The following SAP130 variants were observed in gnomAD, a reference collection of about 807,000 sequenced individuals.
SAP130 encodes histone deacetylase complex subunit SAP130.
In SAP130, 16 loss-of-function variants were observed where a neutral mutation model predicts 103.2. That is an observed-to-expected ratio of 0.16 (90% CI 0.10 to 0.24). SAP130 has a LOEUF of 0.24. Among genes scored for constraint, SAP130 ranks in the 10% least tolerant of loss-of-function variants. The probability of loss-of-function intolerance (pLI) is 1.00; values close to 1 mark genes in which losing one functional copy is unlikely to be tolerated. For missense variants in SAP130, 990 were observed against 1,359.7 expected (o/e 0.73, Z 4.28); for synonymous variants, 477 against 497.0 (o/e 0.96, Z 0.53).
chr2:128,028,027 G>C lies in SAP130; in HGVS notation c.-94C>G. 2.1e-6 allele frequency: 2 copies of C among 974,838 alleles called. No individual in the cohort carries two copies. Among genetic ancestry groups the C allele is most frequent in the South Asian group, 4.7e-5 (1 of 21,088 alleles). 60.4% of individuals were successfully genotyped at this position (974,838 alleles called of 1,614,324 possible). On this transcript the variant is annotated 5_prime_UTR_variant, in exon 1 of 21. Coordinates refer to ENST00000643581, the MANE Select transcript of SAP130 (RefSeq NM_001330301.2). ...GTGGGGCCGACGTCCCCAGGCTCCG[G>C]ACCCGCAGCCACCGCCGGGGAGCTA... is the stretch of plus-strand genomic sequence containing the variant.
rs1341149751 is a variant in SAP130 at position 127,989,545 on chromosome 2, T to C, written c.1780+19A>G. On this transcript the variant is annotated intron_variant, in intron 13 of 20. Coordinates refer to ENST00000643581, the MANE Select transcript of SAP130 (RefSeq NM_001330301.2). This position sits in a 1 kb window ranked among gnomAD's most constrained non-coding sequence, Gnocchi z 4.6. ...TTTCTTTTCTCCAAACCACCTTCTA[T>C]GCAAAAATTTAAAATTACCTGAAGT... 10 of 1,586,664 alleles carry C rather than the reference T, an allele frequency of 6.3e-6. No individual in the cohort carries two copies. Among genetic ancestry groups the C allele is most frequent in the Admixed American group, 1.8e-5 (1 of 56,072 alleles).
intron 13 of SAP130, among the ~76,000 whole-genome samples, chr2:127,988,520 A>G (rs1682557851): frequency 6.6e-6 from 1 of 151,968 alleles, no homozygotes; most frequent in African/African-American, 2.4e-5. Context: ...CTAATCAATA[A>G]TAATCCAAGT....
chr2:127,941,893 T>C lies in SAP130; in HGVS notation c.*113A>G. 1 of 963,004 alleles carries C rather than the reference T, an allele frequency of 1.0e-6. No homozygotes were observed. The highest frequency in any genetic ancestry group is 1.6e-6 in the Non-Finnish European group (1 of 630,034). The allele number at this position is 963,004 out of a possible 1,614,324, so 59.7% of individuals were successfully genotyped here. A position where few individuals can be genotyped will look rare whatever the true frequency, so the allele number is the denominator to read the frequency against. On this transcript the variant is annotated 3_prime_UTR_variant, in exon 21 of 21. Transcript: ENST00000643581. Reference sequence around the variant, plus strand: ...GGTTCCTCTGCTTTCACACGGGAACTAAGGAACACTTCCTTTATTTCAATG... The same window carrying C: ...GGTTCCTCTGCTTTCACACGGGAACCAAGGAACACTTCCTTTATTTCAATG...
At chr2:127,976,987 T>C (rs1238939813) in intron 15 of SAP130, among the ~76,000 whole-genome samples, 3 of 152,084 alleles carry the variant, frequency 2.0e-5, no homozygotes, top group Non-Finnish European at 4.4e-5. Context: ...TCAGAACTAT[T>C]ATCTTGATCA....
Position 127,965,842 on chromosome 2 carries a change from T to G in SAP130, c.2064-10498A>C, listed in dbSNP as rs930039068. Among the ~76,000 whole-genome samples, 76 of 151,572 alleles carry G rather than the reference T, an allele frequency of 5.0e-4. 1 individual carries two copies. The highest frequency in any genetic ancestry group is 1.7e-3 in the Admixed American group (25 of 14,874). ...TGTAATTAACACAGGGAATTTAATA[T>G]TATCTATTTCCCCTTATTATTATTT... On this transcript the variant is annotated intron_variant, in intron 15 of 20. Transcript: ENST00000643581.
chr2:127,980,473 T>C (rs1441137019), intron 14 of SAP130, among the ~76,000 whole-genome samples: 1 of 152,024 alleles, frequency 6.6e-6, no homozygotes. Context: ...CCATGAAAGT[T>C]TAAAACAAGC....
chr2:128,027,142 G>A, intron 1 of SAP130: 1 of 1,373,170 alleles, frequency 7.3e-7, no homozygotes, highest in South Asian at 1.8e-5. Context: ...TCGCCGGCCT[G>A]GGGGTGCCGC....
rs192785277 is a variant in SAP130, at chr2:127,960,073, C to G, written c.2064-4729G>C. Among the ~76,000 whole-genome samples the G allele has an allele frequency of 1.2e-3, 180 of 151,966 alleles. 1 individual carries two copies. Among genetic ancestry groups the G allele is most frequent in the Non-Finnish European group, 1.8e-3 (121 of 67,968 alleles). ...GCATCTGCCTTAGAATCAATGAGGC[C>G]GAAGATGGATCAGTATTATTAGCCT... is the stretch of plus-strand genomic sequence containing the variant. On this transcript the variant is annotated intron_variant, in intron 15 of 20. Coordinates refer to ENST00000643581, the MANE Select transcript of SAP130 (RefSeq NM_001330301.2).
At position 127,941,553 on chromosome 2, in the gene SAP130, G is replaced by C. The variant is rs2104827333; in HGVS notation, c.*453C>G. On this transcript the variant is annotated 3_prime_UTR_variant, in exon 21 of 21. Coordinates refer to ENST00000643581, the MANE Select transcript of SAP130 (RefSeq NM_001330301.2). Reference sequence around the variant, plus strand: ...GGCCAACATGGGCATTTGAAGGTCAGGCAGAAGAACCGAATGGGGTGGGTG... The same window carrying C: ...GGCCAACATGGGCATTTGAAGGTCACGCAGAAGAACCGAATGGGGTGGGTG... 1 of 156,982 alleles carries C rather than the reference G, an allele frequency of 6.4e-6. No individual in the cohort carries two copies. Among genetic ancestry groups the C allele is most frequent in the Non-Finnish European group, 1.4e-5 (1 of 71,228 alleles). The allele number at this position is 156,982 out of a possible 1,614,324, so 9.7% of individuals were successfully genotyped here. A position where few individuals can be genotyped will look rare whatever the true frequency, so the allele number is the denominator to read the frequency against.
In SAP130 at chr2:127,989,303, T is replaced by C. The variant is rs1682622061; in HGVS notation, c.1780+261A>G. ...TTTAGTAGACAGGGTTTTACCACGT[T>C]AGCCTGGATAGTCTTGATCTCCTGA... On this transcript the variant is annotated intron_variant, in intron 13 of 20. Transcript: ENST00000643581. The surrounding 1 kb of genome is among the most constrained non-coding windows in gnomAD (Gnocchi z 4.6). Among the ~76,000 whole-genome samples, 2 of 152,052 alleles carry C rather than the reference T, an allele frequency of 1.3e-5. No individual in the cohort carries two copies. Among genetic ancestry groups the C allele is most frequent in the Admixed American group, 1.3e-4 (2 of 15,262 alleles).
Position 127,991,896 on chromosome 2 carries a change from A to G in SAP130, c.1477+1291T>C, listed in dbSNP as rs180853956. On this transcript the variant is annotated intron_variant, in intron 12 of 20. Coordinates refer to ENST00000643581, the MANE Select transcript of SAP130 (RefSeq NM_001330301.2). The stretch of plus-strand genomic sequence containing the variant: ...TACTTCAAGTGCTCTGTGGCCACAC[A>G]TGCCGCTGGCTGCCATATAGCACCG... Among the ~76,000 whole-genome samples, 48 of 152,374 alleles carry G rather than the reference A, an allele frequency of 3.2e-4. 1 individual carries two copies. Among genetic ancestry groups the G allele is most frequent in the Admixed American group, 2.2e-3 (34 of 15,312 alleles).
chr2:128,024,087 C>G (rs1243256753), intron 2 of SAP130, among the ~76,000 whole-genome samples: 2 of 152,058 alleles, frequency 1.3e-5, no homozygotes, highest in African/African-American at 2.4e-5. Flanking sequence ...ATTTTTTAAT[C>G]ATTTATTTAG....
chr2:128,017,914 G>C lies in SAP130; in HGVS notation c.114C>G (p.Val38=), dbSNP rs774505579. 2.7e-5 allele frequency: 43 copies of C among 1,611,968 alleles called. No homozygotes were observed. In the East Asian group the frequency reaches 5.3e-4, roughly 20 times the overall value. The change falls in exon 3 of 21, where the codon GTC becomes GTG. Residue 38 remains valine, a splice_region_variant and synonymous_variant. Transcript: ENST00000643581. Reference sequence around the variant, plus strand: ...CAGAATCTCGACCAGATTCATCATTGACTAGTAAAGACATTAAGAGTGAGA... The same window carrying C: ...CAGAATCTCGACCAGATTCATCATTCACTAGTAAAGACATTAAGAGTGAGA... ...SAGLINPAAT[V]NDESGRDSEV...
At chr2:128,006,935 T>C (rs973639700) in intron 7 of SAP130, among the ~76,000 whole-genome samples, 1 of 152,222 alleles carries the variant, frequency 6.6e-6, no homozygotes, top group Non-Finnish European at 1.5e-5. Context: ...TAGTTGTAGA[T>C]ATAAAGAGAA....
chr2:127,950,676 C>T (rs1291886385), intron 16 of SAP130, among the ~76,000 whole-genome samples: 4 of 152,196 alleles, frequency 2.6e-5, no homozygotes, highest in Non-Finnish European at 5.9e-5. Context: ...TTCCTAGCCT[C>T]CATTACAGGT....
In SAP130 at chr2:127,955,368, T is replaced by A; in HGVS notation, c.2064-24A>T. 2.0e-6 allele frequency: 3 copies of A among 1,503,278 alleles called. 1 individual carries two copies. The Middle Eastern group carries it at 5.4e-4, about 270-fold the overall frequency. 93.1% of individuals were successfully genotyped at this position (1,503,278 alleles called of 1,614,324 possible). ...CACTAAAACACAAAAGAAAAGCACA[T>A]GTAGCAAATAAGAAAAAAACTGCCT... On this transcript the variant is annotated intron_variant, in intron 15 of 20. Coordinates refer to ENST00000643581, the MANE Select transcript of SAP130 (RefSeq NM_001330301.2). The surrounding 1 kb of genome is among the most constrained non-coding windows in gnomAD (Gnocchi z 4.9).
chr2:127,987,348 A>G (rs1408096613), intron 13 of SAP130, among the ~76,000 whole-genome samples: 1 of 151,672 alleles, frequency 6.6e-6, no homozygotes, highest in African/African-American at 2.4e-5. Context: ...CCACACCTGG[A>G]TAATTTTTGT....
chr2:127,977,269 C>A (rs1183458570), intron 15 of SAP130, among the ~76,000 whole-genome samples: 1 of 140,772 alleles, frequency 7.1e-6, no homozygotes, highest in South Asian at 2.3e-4. Flanking sequence ...GCACGTGGAT[C>A]AATTGAGGTC....
chr2:127,989,889 C>T lies in SAP130; in HGVS notation c.1478-23G>A. The T allele has an allele frequency of 1.2e-6, 2 of 1,602,840 alleles. No individual in the cohort carries two copies. Among genetic ancestry groups the T allele is most frequent in the South Asian group, 1.1e-5 (1 of 89,514 alleles). Reference sequence around the variant, plus strand: ...AAACTAAAAATGATGCGAAAGGTAACTATAAGAAGGTTAGCTTCATTTCAC... The same window carrying T: ...AAACTAAAAATGATGCGAAAGGTAATTATAAGAAGGTTAGCTTCATTTCAC... On this transcript the variant is annotated intron_variant, in intron 12 of 20. Coordinates refer to ENST00000643581, the MANE Select transcript of SAP130 (RefSeq NM_001330301.2). This position sits in a 1 kb window ranked among gnomAD's most constrained non-coding sequence, Gnocchi z 4.6.
Sources: allele counts gnomAD v4.1 joint callset (sites outside exome capture counted in the v4.1 genomes callset), GRCh38; gene constraint gnomAD v4.1.1; non-coding constraint Gnocchi (gnomAD v3.1); transcripts MANE v1.5; gene names NCBI Gene and HGNC (gene_info 2026-07-23, HGNC 2026-07-21).